The following UNC5C variants were observed in gnomAD, a reference collection of about 807,000 sequenced individuals.
The protein encoded by UNC5C is unc-5 netrin receptor C.
UNC5C carries 47 observed loss-of-function variants against 99.8 expected under a neutral mutation model. That is an observed-to-expected ratio of 0.47 (90% CI 0.37 to 0.60). The LOEUF (loss-of-function observed/expected upper bound fraction) is 0.60, where lower values mean the gene tolerates loss of function less well. Ranked by LOEUF, UNC5C falls within the 20% of genes least tolerant of loss-of-function variation. The pLI, the probability that UNC5C is intolerant of heterozygous loss-of-function variation, is 0.00. For synonymous variants in UNC5C, 487 were observed against 452.2 expected (o/e 1.08, Z -0.98); for missense variants, 1,062 against 1,165.9 (o/e 0.91, Z 1.30).
chr4:95,541,246 A>G (rs1446431565), intron 1 of UNC5C, among the ~76,000 whole-genome samples: 1 of 152,204 alleles, frequency 6.6e-6, no homozygotes, highest in Non-Finnish European at 1.5e-5. Flanking sequence ...TTTAAACTGC[A>G]TGGAGCTCTG....
intron 4 of UNC5C, among the ~76,000 whole-genome samples, chr4:95,257,281 G>A (rs902914305): frequency 2.0e-5 from 3 of 152,112 alleles, no homozygotes; most frequent in African/African-American, 7.2e-5. Context: ...GCATGTGCTT[G>A]TATTTGCAGC....
intron 1 of UNC5C, among the ~76,000 whole-genome samples, chr4:95,497,166 T>C (rs1366377352): frequency 1.3e-5 from 2 of 151,956 alleles, no homozygotes; most frequent in Non-Finnish European, 2.9e-5. Flanking sequence ...ATATAATGAC[T>C]TATTTTTCTT....
intron 2 of UNC5C, among the ~76,000 whole-genome samples, chr4:95,321,677 A>G (rs1034281515): frequency 3.9e-5 from 6 of 152,226 alleles, no homozygotes; most frequent in Non-Finnish European, 8.8e-5. Context: ...TTGAATCTTC[A>G]TACTGTATAG....
intron 4 of UNC5C, among the ~76,000 whole-genome samples, chr4:95,275,179 G>A (rs1229363161): frequency 6.6e-6 from 1 of 152,144 alleles, no homozygotes; most frequent in Non-Finnish European, 1.5e-5. Context: ...TGTAGCGTGT[G>A]TGGACTCCAG....
chr4:95,217,241 A>G (rs1041716867), intron 9 of UNC5C, among the ~76,000 whole-genome samples: 1 of 152,214 alleles, frequency 6.6e-6, no homozygotes, highest in Non-Finnish European at 1.5e-5. Context: ...GCGTGGGGCA[A>G]TATGAAAACT....
chr4:95,252,641 G>A (rs1739788741), intron 4 of UNC5C, among the ~76,000 whole-genome samples: 1 of 152,144 alleles, frequency 6.6e-6, no homozygotes, highest in Non-Finnish European at 1.5e-5. Flanking sequence ...ATTATAAATG[G>A]AGCATACCTA....
intron 1 of UNC5C, among the ~76,000 whole-genome samples, chr4:95,344,951 C>T (rs1743714988): frequency 6.6e-6 from 1 of 151,834 alleles, no homozygotes; most frequent in Non-Finnish European, 1.5e-5. Flanking sequence ...GACTGCAAAA[C>T]AAACAGAAAA....
intron 1 of UNC5C, among the ~76,000 whole-genome samples, chr4:95,482,315 T>C (rs1279527356): frequency 1.3e-5 from 2 of 151,890 alleles, no homozygotes; most frequent in African/African-American, 4.8e-5. Flanking sequence ...TGAGATACCA[T>C]CTCACACCAG....
intron 2 of UNC5C, among the ~76,000 whole-genome samples, chr4:95,333,561 C>G (rs13135470): frequency 0.42 from 54,291 of 127,938 alleles, 12,259 homozygotes; most frequent in East Asian, 0.84. Flanking sequence ...TCACACTCTG[C>G]GGACTATTGT....
intron 7 of UNC5C, among the ~76,000 whole-genome samples, chr4:95,223,457 A>C (rs1191593628): frequency 6.6e-6 from 1 of 152,210 alleles, no homozygotes; most frequent in African/African-American, 2.4e-5. Flanking sequence ...CTCAGGTAGC[A>C]CTTCCGTAGT....
chr4:95,396,843 T>C (rs1745525959), intron 1 of UNC5C, among the ~76,000 whole-genome samples: 1 of 152,232 alleles, frequency 6.6e-6, no homozygotes, highest in Non-Finnish European at 1.5e-5. Flanking sequence ...TGAACTAATT[T>C]AGTTTGCATT....
chr4:95,287,601 C>T (rs1465230895), intron 3 of UNC5C, among the ~76,000 whole-genome samples: 1 of 152,116 alleles, frequency 6.6e-6, no homozygotes, highest in African/African-American at 2.4e-5. Context: ...CCTAACTGAC[C>T]ACGATATTCT....
chr4:95,496,355 A>G (rs1578195358), intron 1 of UNC5C, among the ~76,000 whole-genome samples: 1 of 152,014 alleles, frequency 6.6e-6, no homozygotes, highest in East Asian at 1.9e-4. Flanking sequence ...GAAAATTAAA[A>G]GTACTGAGTA....
chr4:95,506,499 T>C (rs1375779345), intron 1 of UNC5C, among the ~76,000 whole-genome samples: 1 of 152,042 alleles, frequency 6.6e-6, no homozygotes, highest in African/African-American at 2.4e-5. Flanking sequence ...GTCACTCACA[T>C]ATTTAAAAGT....
chr4:95,471,198 C>T (rs891170028), intron 1 of UNC5C, among the ~76,000 whole-genome samples: 3 of 151,972 alleles, frequency 2.0e-5, no homozygotes, highest in African/African-American at 7.2e-5. Flanking sequence ...AAATGATTTT[C>T]CTTGGAAATG....
At chr4:95,393,852 T>TTTTTG (rs947208606) in intron 1 of UNC5C, among the ~76,000 whole-genome samples, 2 of 144,596 alleles carry the variant, frequency 1.4e-5, no homozygotes, top group East Asian at 2.0e-4. Flanking sequence ...AATCTACTGT[T>TTTTTG]TTTTTTTTTT....
At chr4:95,177,517 G>A (rs1406365280) in intron 14 of UNC5C, among the ~76,000 whole-genome samples, 3 of 152,172 alleles carry the variant, frequency 2.0e-5, no homozygotes, top group Non-Finnish European at 4.4e-5. Context: ...TTGATTAGCA[G>A]TATGTTCCAC....
At chr4:95,177,507 T>A (rs1736415878) in intron 14 of UNC5C, among the ~76,000 whole-genome samples, 1 of 152,198 alleles carries the variant, frequency 6.6e-6, no homozygotes, top group African/African-American at 2.4e-5. Context: ...TGTGCCAGTG[T>A]TGATTAGCAG....
chr4:95,461,304 G>C lies in UNC5C; in HGVS notation c.124+87430C>G, dbSNP rs1387788500. 1.4e-4 allele frequency among the ~76,000 whole-genome samples: 14 copies of C among 97,916 alleles called. 1 individual carries two copies. Among genetic ancestry groups the C allele is most frequent in the East Asian group, 5.0e-4 (1 of 1,990 alleles). The allele number at this position is 97,916 out of a possible 152,430, so 64.2% of individuals were successfully genotyped here. The stretch of plus-strand genomic sequence containing the variant: ...ATGTGATACAGTCCTTTTCCAACAT[G>C]AAGCACAAGGCAAGAGCAAGTTGAA... On this transcript the variant is annotated intron_variant, in intron 1 of 15. Transcript: ENST00000453304.
Sources: allele counts gnomAD v4.1 joint callset (sites outside exome capture counted in the v4.1 genomes callset), GRCh38; gene constraint gnomAD v4.1.1; transcripts MANE v1.5; gene names NCBI Gene and HGNC (gene_info 2026-07-23, HGNC 2026-07-21).